Variants in DYNC2H1 observed in about 807,000 individuals in gnomAD.
DYNC2H1 encodes the protein dynein cytoplasmic 2 heavy chain 1.
Under a neutral mutation model 570.0 loss-of-function variants are expected in DYNC2H1, and 410 were observed. That is an observed-to-expected ratio of 0.72 (90% CI 0.66 to 0.78). DYNC2H1 has a LOEUF of 0.78. DYNC2H1 is among the 30% of genes least tolerant of loss of function. The pLI, the probability that DYNC2H1 is intolerant of heterozygous loss-of-function variation, is 0.00. For synonymous variants in DYNC2H1, 1,688 were observed against 1,677.6 expected, an observed-to-expected ratio of 1.01 and a Z score of -0.15; for missense variants, 4,865 against 5,046.4, an observed-to-expected ratio of 0.96 and a Z score of 1.09.
chr11:103,436,697 A>G (rs1944075446), intron 85 of DYNC2H1, among the ~76,000 whole-genome samples: 1 of 151,970 alleles, frequency 6.6e-6, no homozygotes, highest in African/African-American at 2.4e-5. Flanking sequence ...ATTTGTCATC[A>G]CTCATCCCTG....
In DYNC2H1 at chr11:103,161,029, A is replaced by C. The variant is rs1392906241; in HGVS notation, c.4476A>C (p.Leu1492=). 68 of 1,502,262 alleles carry C rather than the reference A, an allele frequency of 4.5e-5. No homozygotes were observed. The highest frequency in any genetic ancestry group is 5.8e-5 in the Non-Finnish European group (65 of 1,118,148). The allele number at this position is 1,502,262 out of a possible 1,614,324, so 93.1% of individuals were successfully genotyped here. A position where few individuals can be genotyped will look rare whatever the true frequency, so the allele number is the denominator to read the frequency against. ...EVVPFKNKVP[L]SNNVETWLND... Reference sequence around the variant, plus strand: ...TACCTTTTAAAAATAAAGTTCCTCTATCAAATAATGTAGAGGTAAGCAATT... The same window carrying C: ...TACCTTTTAAAAATAAAGTTCCTCTCTCAAATAATGTAGAGGTAAGCAATT... Residue 1492 remains leucine (L), a synonymous_variant, in exon 29 of 89, where the codon CTA becomes CTC. Transcript: ENST00000375735.
intron 82 of DYNC2H1, among the ~76,000 whole-genome samples, chr11:103,339,650 T>C (rs1361207488): frequency 3.9e-5 from 6 of 152,124 alleles, no homozygotes; most frequent in Non-Finnish European, 8.8e-5. Context: ...AGGCGATGCA[T>C]GTACTCTTGT....
intron 13 of DYNC2H1, among the ~76,000 whole-genome samples, chr11:103,131,280 T>C (rs1859252708): frequency 6.6e-6 from 1 of 152,180 alleles, no homozygotes; most frequent in South Asian, 2.1e-4. Context: ...TATAGTTATA[T>C]TTTTTACTTA....
At chr11:103,310,317 G>C (rs1482160621) in intron 78 of DYNC2H1, among the ~76,000 whole-genome samples, 1 of 151,464 alleles carries the variant, frequency 6.6e-6, no homozygotes, top group Non-Finnish European at 1.5e-5. Flanking sequence ...TTTTGTATTT[G>C]CTTGTATTCA....
Position 103,163,218 on chromosome 11 carries a change from G to A in DYNC2H1, c.4611+71G>A. Reference sequence around the variant, plus strand: ...AAGATCCCTGACCTAGAAGCCAGGAGGCTCAGATAAATCGCATCTGTTTTC... The same window carrying A: ...AAGATCCCTGACCTAGAAGCCAGGAAGCTCAGATAAATCGCATCTGTTTTC... On this transcript the variant is annotated intron_variant, in intron 30 of 88. Transcript: ENST00000375735. This position sits in a 1 kb window ranked among gnomAD's most constrained non-coding sequence, Gnocchi z 4.6. The A allele has an allele frequency of 6.7e-7, 1 of 1,501,922 alleles. No homozygotes were observed. Among genetic ancestry groups the A allele is most frequent in the Non-Finnish European group, 8.9e-7 (1 of 1,119,714 alleles). 93.0% of individuals were successfully genotyped at this position (1,501,922 alleles called of 1,614,324 possible). A position where few individuals can be genotyped will look rare whatever the true frequency, so the allele number is the denominator to read the frequency against.
intron 9 of DYNC2H1, 104 bp from the exon 10 acceptor site, chr11:103,121,265 CATT>C (rs1431061150): frequency 2.3e-6 from 3 of 1,297,220 alleles, no homozygotes; most frequent in Admixed American, 2.7e-5. Flanking sequence ...AGGACCAACT[CATT>C]ATTTTTCTTT....
chr11:103,300,010 A>AT (rs768032237), intron 75 of DYNC2H1, among the ~76,000 whole-genome samples: 16 of 152,080 alleles, frequency 1.1e-4, no homozygotes, highest in South Asian at 2.1e-4. Context: ...CATTTTTACA[A>AT]TTGTTTTCTC....
chr11:103,312,562 A>C (rs1293162075), intron 79 of DYNC2H1, among the ~76,000 whole-genome samples: 3 of 102,306 alleles, frequency 2.9e-5, no homozygotes, highest in Non-Finnish European at 4.1e-5. Flanking sequence ...AAAAAAAAAA[A>C]AAAACCAATT....
intron 47 of DYNC2H1, among the ~76,000 whole-genome samples, chr11:103,197,132 G>GT (rs140092366): frequency 0.067 from 9,989 of 149,136 alleles, 352 homozygotes; most frequent in Middle Eastern, 0.13. Flanking sequence ...AATTTGGTCA[G>GT]TTTTTTTTTT....
intron 18 of DYNC2H1, among the ~76,000 whole-genome samples, chr11:103,147,240 C>A (rs757550672): frequency 1.3e-5 from 2 of 152,098 alleles, no homozygotes; most frequent in Non-Finnish European, 2.9e-5. Context: ...TGTTTGCCCA[C>A]AAAATTGAAG....
Position 103,211,858 on chromosome 11 carries a change from G to C in DYNC2H1, c.8609G>C (p.Ser2870Thr). The change falls in exon 54 of 89, where the codon AGC becomes ACC. Residue 2870 changes from serine to threonine, a missense_variant. Physicochemically the swap from Ser to Thr is moderately conservative, Grantham distance 58 (BLOSUM62 1). This residue lies in a region of DYNC2H1 where 2,401 missense variants were observed against 2,454.6 expected (regional missense o/e 0.98). Coordinates refer to ENST00000375735, the MANE Select transcript of DYNC2H1 (RefSeq NM_001377.3). ...ESCKAYGATP[S>T]RYMTFLHVYS... ...TGTAAAGCATATGGTGCTACACCAA[G>C]CCGATACATGACCTTTTTACATGTG... 1 of 1,527,348 alleles carries C rather than the reference G, an allele frequency of 6.5e-7. No homozygotes were observed. Among genetic ancestry groups the C allele is most frequent in the Non-Finnish European group, 8.8e-7 (1 of 1,134,218 alleles). The allele number at this position is 1,527,348 out of a possible 1,614,324, so 94.6% of individuals were successfully genotyped here.
chr11:103,309,409 G>A (rs1247548477), intron 78 of DYNC2H1, among the ~76,000 whole-genome samples: 1 of 147,792 alleles, frequency 6.8e-6, no homozygotes, highest in East Asian at 2.0e-4. Context: ...TGCCGAGGCT[G>A]GTCCTGAACT....
chr11:103,178,372 A>T (rs1230279920), intron 38 of DYNC2H1, among the ~76,000 whole-genome samples: 2 of 152,092 alleles, frequency 1.3e-5, no homozygotes, highest in South Asian at 4.1e-4. Context: ...AGTAAGTGAA[A>T]GCATTGGAAG....
At chr11:103,222,696 T>C (rs1863633960) in intron 58 of DYNC2H1, among the ~76,000 whole-genome samples, 1 of 152,170 alleles carries the variant, frequency 6.6e-6, no homozygotes, top group Non-Finnish European at 1.5e-5. Flanking sequence ...TCATTAGAAA[T>C]GTGACTAATA....
chr11:103,459,110 C>T (rs962758726), intron 87 of DYNC2H1, among the ~76,000 whole-genome samples: 9 of 150,918 alleles, frequency 6.0e-5, no homozygotes, highest in Non-Finnish European at 1.3e-4. Context: ...GAGATCGAGA[C>T]CATCCCGGCT....
At chr11:103,399,958 G>C (rs752460865) in intron 84 of DYNC2H1, 86 bp downstream of exon 84, 2 of 1,145,826 alleles carry the variant, frequency 1.7e-6, no homozygotes, top group Non-Finnish European at 2.5e-6. Flanking sequence ...GAATCATATA[G>C]TTAATAGCAG....
intron 31 of DYNC2H1, 118 bp downstream of exon 31, chr11:103,166,166 C>T: frequency 2.8e-6 from 2 of 724,454 alleles, no homozygotes; most frequent in Non-Finnish European, 4.0e-6. Flanking sequence ...CGAGGAATTA[C>T]AACATATATA....
Position 103,235,676 on chromosome 11 carries a change from T to G in DYNC2H1, c.9572T>G (p.Val3191Gly). ...TCTTCTCTCTCTTTTTTCCAGGTTG[T>G]AGAGATAACAGAGGAATTAGCTACT... is the stretch of plus-strand genomic sequence containing the variant. ...REHKRWNAQV[V>G]EITEELATLP... is the part of the protein sequence containing the mutation. Residue 3191 changes from valine to glycine, a missense_variant, in exon 62 of 89, where the codon GTA becomes GGA. Val to Gly is a moderately radical substitution (Grantham distance 109, BLOSUM62 -3). Around this residue, in one of 5 missense-constraint regions of DYNC2H1, gnomAD observed 2,401 missense variants for 2,454.6 expected, o/e 0.98. Coordinates refer to ENST00000375735, the MANE Select transcript of DYNC2H1 (RefSeq NM_001377.3). 8 of 1,607,514 alleles carry G rather than the reference T, an allele frequency of 5.0e-6. No homozygotes were observed. Among genetic ancestry groups the G allele is most frequent in the Non-Finnish European group, 6.8e-6 (8 of 1,176,376 alleles).
intron 85 of DYNC2H1, among the ~76,000 whole-genome samples, chr11:103,449,895 A>G (rs906111582): frequency 1.3e-5 from 2 of 152,180 alleles, no homozygotes; most frequent in African/African-American, 4.8e-5. Context: ...CACCAATTAA[A>G]AGGCAAAACT....
Sources: gnomAD v4.1 joint callset for allele counts (sites outside exome capture counted in the v4.1 genomes callset) on GRCh38, gnomAD v4.1.1 for gene constraint, gnomAD v4.1.1 regional missense constraint, Gnocchi (gnomAD v3.1) non-coding constraint, MANE v1.5 for transcripts, NCBI Gene and HGNC (gene_info 2026-07-23, HGNC 2026-07-21) for gene names.